Variants in NXPH1 observed in about 807,000 individuals in gnomAD.
NXPH1 encodes the protein neurexophilin-1.
Under a neutral mutation model 23.7 loss-of-function variants are expected in NXPH1, and 5 were observed. That is an observed-to-expected ratio of 0.21 (90% confidence interval 0.11 to 0.44). The LOEUF (loss-of-function observed/expected upper bound fraction) is 0.44, where lower values mean the gene tolerates loss of function less well. Ranked by LOEUF, NXPH1 falls within the 20% of genes least tolerant of loss-of-function variation. The pLI is 0.99. For missense variants in NXPH1, 324 were observed against 321.6 expected (o/e 1.01, Z -0.06); for synonymous variants, 144 against 122.2 (o/e 1.18, Z -1.18).
chr7:8,511,860 G>C (rs142011890), intron 2 of NXPH1, among the ~76,000 whole-genome samples: 225 of 152,162 alleles, frequency 1.5e-3, no homozygotes, highest in African/African-American at 5.0e-3. Context: ...ATGGTCCAGG[G>C]GACTGAATTG....
chr7:8,695,147 G>T (rs1160121337), intron 2 of NXPH1, among the ~76,000 whole-genome samples: 2 of 152,042 alleles, frequency 1.3e-5, no homozygotes, highest in Non-Finnish European at 2.9e-5. Flanking sequence ...ATTAGAATAG[G>T]GTACTTTTAA....
rs115994765 is a variant in NXPH1 at position 8,677,148 on chromosome 7, T to A, written c.55-73860T>A. On this transcript the variant is annotated intron_variant, in intron 2 of 2. Transcript: ENST00000405863. ...TGTACTTTGTTTCATACTAATCTGGTATTGAGACCTAAGGAAACTAGAATA... is the reference window on the plus strand; with the variant it reads ...TGTACTTTGTTTCATACTAATCTGGAATTGAGACCTAAGGAAACTAGAATA... Among the ~76,000 whole-genome samples the A allele has an allele frequency of 6.9e-3, 1,053 of 152,310 alleles. 10 individuals are homozygous for A. Among genetic ancestry groups the A allele is most frequent in the African/African-American group, 0.024 (988 of 41,574 alleles).
At chr7:8,646,975 G>T (rs1056027346) in intron 2 of NXPH1, among the ~76,000 whole-genome samples, 2 of 151,974 alleles carry the variant, frequency 1.3e-5, no homozygotes, top group African/African-American at 4.8e-5. Flanking sequence ...AGGCACTGGG[G>T]AGGGGAGGAG....
chr7:8,493,719 A>G (rs1436135326), intron 2 of NXPH1, among the ~76,000 whole-genome samples: 1 of 152,036 alleles, frequency 6.6e-6, no homozygotes, highest in Non-Finnish European at 1.5e-5. Context: ...GAAAGATTGT[A>G]TTGTCAAGAA....
intron 2 of NXPH1, among the ~76,000 whole-genome samples, chr7:8,584,245 G>A (rs1360793133): frequency 6.6e-6 from 1 of 152,106 alleles, no homozygotes; most frequent in Non-Finnish European, 1.5e-5. Context: ...TCAGACTGTA[G>A]AGCCTGTAAT....
chr7:8,565,504 T>TACATTC (rs3084540), intron 2 of NXPH1, among the ~76,000 whole-genome samples: 129,985 of 151,186 alleles, frequency 0.86, 56,214 homozygotes, highest in African/African-American at 0.95. Flanking sequence ...GAGTTTGACA[T>TACATTC]AAATATAAAG....
At chr7:8,720,012 G>A (rs1178660054) in intron 2 of NXPH1, among the ~76,000 whole-genome samples, 1 of 152,122 alleles carries the variant, frequency 6.6e-6, no homozygotes, top group Non-Finnish European at 1.5e-5. Context: ...AGTCCTTGCT[G>A]AATATCCTTG....
chr7:8,711,066 A>G (rs912067902), intron 2 of NXPH1, among the ~76,000 whole-genome samples: 21 of 152,194 alleles, frequency 1.4e-4, no homozygotes, highest in Non-Finnish European at 2.6e-4. Flanking sequence ...TTAAATTTAG[A>G]TATGGCAACA....
At chr7:8,656,423 C>T (rs1483300381) in intron 2 of NXPH1, among the ~76,000 whole-genome samples, 5 of 151,826 alleles carry the variant, frequency 3.3e-5, no homozygotes, top group African/African-American at 9.7e-5. Flanking sequence ...GTGTTGTTAT[C>T]CCCATTACAG....
intron 2 of NXPH1, among the ~76,000 whole-genome samples, chr7:8,566,002 G>T (rs1818538667): frequency 6.6e-6 from 1 of 151,768 alleles, no homozygotes; most frequent in African/African-American, 2.4e-5. Context: ...AAATTCTGTT[G>T]GTTTGGGGCA....
intron 2 of NXPH1, among the ~76,000 whole-genome samples, chr7:8,635,621 G>A (rs1003221673): frequency 6.6e-6 from 1 of 152,164 alleles, no homozygotes; most frequent in East Asian, 1.9e-4. Flanking sequence ...CTGCCAGAAC[G>A]TTGGAGAGTG....
chr7:8,705,733 A>C (rs532258145), intron 2 of NXPH1, among the ~76,000 whole-genome samples: 2 of 152,294 alleles, frequency 1.3e-5, no homozygotes, highest in Non-Finnish European at 2.9e-5. Flanking sequence ...GACTATTGCA[A>C]AGATCACCAG....
intron 2 of NXPH1, among the ~76,000 whole-genome samples, chr7:8,736,291 C>T (rs978971470): frequency 1.3e-5 from 2 of 152,178 alleles, no homozygotes; most frequent in Admixed American, 1.3e-4. Context: ...CCTCTAAACA[C>T]TGCTTTAGCT....
intron 2 of NXPH1, among the ~76,000 whole-genome samples, chr7:8,655,451 TACACACAC>T (rs71017603): frequency 7.2e-6 from 1 of 139,096 alleles, no homozygotes; most frequent in Non-Finnish European, 1.5e-5. Flanking sequence ...TCTCTCTCTA[TACACACAC>T]ACACACACAC....
chr7:8,437,839 T>C (rs541513154), intron 2 of NXPH1, among the ~76,000 whole-genome samples: 1 of 152,366 alleles, frequency 6.6e-6, no homozygotes, highest in South Asian at 2.1e-4. Flanking sequence ...GAATGCCTTT[T>C]GGCAATACAG....
intron 2 of NXPH1, among the ~76,000 whole-genome samples, chr7:8,534,462 G>A (rs940967419): frequency 3.3e-5 from 5 of 152,112 alleles, no homozygotes; most frequent in East Asian, 1.9e-4. Context: ...TCCCAGCCAC[G>A]CTGATGCATT....
intron 2 of NXPH1, among the ~76,000 whole-genome samples, chr7:8,473,763 A>C (rs1816913990): frequency 1.3e-5 from 2 of 151,850 alleles, no homozygotes; most frequent in African/African-American, 4.8e-5. Context: ...AGAGAAGGCA[A>C]ATTGCCAAAA....
At chr7:8,600,926 T>C (rs1430191196) in intron 2 of NXPH1, among the ~76,000 whole-genome samples, 7 of 151,942 alleles carry the variant, frequency 4.6e-5, no homozygotes, top group South Asian at 2.1e-4. Flanking sequence ...TGTAGACCTT[T>C]TTTTTTTTGT....
At chr7:8,477,467 A>G (rs552615665) in intron 2 of NXPH1, among the ~76,000 whole-genome samples, 1 of 152,262 alleles carries the variant, frequency 6.6e-6, no homozygotes, top group Admixed American at 6.5e-5. Context: ...GACTGGGAAA[A>G]TGGCAATAAA....
Sources: allele counts gnomAD v4.1 joint callset (sites outside exome capture counted in the v4.1 genomes callset), GRCh38; gene constraint gnomAD v4.1.1; transcripts MANE v1.5; gene names NCBI Gene and HGNC (gene_info 2026-07-23, HGNC 2026-07-21).